The following MCM4 variants were observed in gnomAD, a reference collection of about 807,000 sequenced individuals.
MCM4 encodes DNA replication licensing factor MCM4.
A neutral mutation model predicts 88.7 loss-of-function variants in MCM4; 60 were observed. The observed-to-expected ratio is 0.68, with a 90% CI of 0.55 to 0.84. The LOEUF (loss-of-function observed/expected upper bound fraction) is 0.84. MCM4 is among the 40% of genes least tolerant of loss of function. The probability of loss-of-function intolerance (pLI) is 0.00; values close to 1 mark genes in which losing one functional copy is unlikely to be tolerated. For synonymous variants in MCM4, 465 were observed against 410.5 expected (o/e 1.13, Z -1.61); for missense variants, 1,149 against 1,105.5 (o/e 1.04, Z -0.56).
chr8:47,965,448 C>G (rs1320445491), intron 8 of MCM4, among the ~76,000 whole-genome samples: 1 of 152,064 alleles, frequency 6.6e-6, no homozygotes, highest in Non-Finnish European at 1.5e-5. Context: ...CCAGTCTGGG[C>G]AACAGGTTAA....
At chr8:47,967,526 C>T (rs1456358736) in intron 10 of MCM4, 41 bp downstream of exon 10, 3 of 1,612,236 alleles carry the variant, frequency 1.9e-6, no homozygotes. Flanking sequence ...GCATGTCTGG[C>T]TTGCTTTCAA....
chr8:47,974,906 A>G lies in MCM4; in HGVS notation c.2309A>G (p.Lys770Arg), dbSNP rs1024093798. Reference sequence around the variant, plus strand: ...AAACGCCTCCATCGGGAAGCTCTGAAGCAGTCTGCAACTGATCCCCGGACT... The same window carrying G: ...AAACGCCTCCATCGGGAAGCTCTGAGGCAGTCTGCAACTGATCCCCGGACT... ...EAKRLHREAL[K>R]QSATDPRTGI... The change falls in exon 15 of 17, where the codon AAG (lysine) becomes AGG (arginine). Residue 770 changes from lysine (K) to arginine (R), a missense_variant. This residue lies in a region of MCM4 where 238 missense variants were observed against 241.6 expected (regional missense o/e 0.99). Coordinates refer to ENST00000649973, the MANE Select transcript of MCM4 (RefSeq NM_182746.3). 3 of 1,614,140 alleles carry G rather than the reference A, an allele frequency of 1.9e-6. No homozygotes were observed. Among genetic ancestry groups the G allele is most frequent in the African/African-American group, 1.3e-5 (1 of 74,950 alleles).
At chr8:47,968,264 C>T (rs1669729384) in intron 10 of MCM4, among the ~76,000 whole-genome samples, 2 of 152,204 alleles carry the variant, frequency 1.3e-5, no homozygotes, top group South Asian at 2.1e-4. Context: ...CACCACGCAT[C>T]GGCTCTTGTC....
At chr8:47,976,272 A>G (rs968365789) in intron 16 of MCM4, among the ~76,000 whole-genome samples, 67 of 150,526 alleles carry the variant, frequency 4.5e-4, no homozygotes, top group African/African-American at 1.6e-3. Context: ...CAGCCTGGGC[A>G]CCAGAGCGGA....
At position 47,975,856 on chromosome 8, in the gene MCM4, T is replaced by A. The variant is rs746589989; in HGVS notation, c.2499+8T>A. On this transcript the variant is annotated splice_region_variant and intron_variant, in intron 16 of 16. Transcript: ENST00000649973. ...CGGGGACAATCTGACATAGTAAGTG[T>A]TTATATGTATTTTTTGTTTGATAGA... is the stretch of plus-strand genomic sequence containing the variant. 9.4e-6 allele frequency: 14 copies of A among 1,496,766 alleles called. 1 individual carries two copies. In the South Asian group the frequency reaches 2.0e-4, roughly 22 times the overall value. 92.7% of individuals were successfully genotyped at this position (1,496,766 alleles called of 1,614,324 possible). A position where few individuals can be genotyped will look rare whatever the true frequency, so the allele number is the denominator to read the frequency against.
rs2090947486 is a variant in MCM4 at position 47,970,858 on chromosome 8, G to C, written c.1782G>C (p.Gln594His). The C allele has an allele frequency of 1.3e-6, 2 of 1,598,238 alleles. No individual in the cohort carries two copies. Among genetic ancestry groups the C allele is most frequent in the Non-Finnish European group, 1.7e-6 (2 of 1,168,654 alleles). The change falls in exon 12 of 17, where the codon CAG (glutamine) becomes CAC (histidine). Residue 594 changes from glutamine (Q) to histidine (H), a missense_variant. Gln to His is a conservative substitution (Grantham distance 24). Transcript: ENST00000649973. ...TATTGCATGAAGTCATGGAACAGCA[G>C]ACTCTGTCCATTGCAAAGGTGAGTC... ...RSVLHEVMEQQTLSIAKAGII... is the reference protein window; with the variant it reads ...RSVLHEVMEQHTLSIAKAGII...
At position 47,961,198 on chromosome 8, in the gene MCM4, C is replaced by T. The variant is rs1337341532; in HGVS notation, c.54C>T (p.Ala18=). 3 of 1,527,698 alleles carry T rather than the reference C, an allele frequency of 2.0e-6. No individual in the cohort carries two copies. The highest frequency in any genetic ancestry group is 1.7e-6 in the Non-Finnish European group (2 of 1,146,298). 94.6% of individuals were successfully genotyped at this position (1,527,698 alleles called of 1,614,324 possible). Residue 18 remains alanine, a synonymous_variant, in exon 2 of 17, where the codon GCC becomes GCT. Coordinates refer to ENST00000649973, the MANE Select transcript of MCM4 (RefSeq NM_182746.3). ...PSRRGSRRGR[A]TPAQTPRSED... ...GCCGCGGCAGCCGGCGTGGAAGGGC[C>T]ACCCCCGCCCAGACGCGTGAGTCCC...
chr8:47,969,431 G>A (rs2090930314), intron 10 of MCM4: 1 of 193,516 alleles, frequency 5.2e-6, no homozygotes, highest in Non-Finnish European at 1.1e-5. Context: ...GCTAATTTTT[G>A]TATTTTTAGT....
Position 47,976,698 on chromosome 8 carries a change from G to C in MCM4, c.2512G>C (p.Asp838His). 1 of 1,612,634 alleles carries C rather than the reference G, an allele frequency of 6.2e-7. No individual in the cohort carries two copies. The highest frequency in any genetic ancestry group is 8.5e-7 in the Non-Finnish European group (1 of 1,178,870). The change falls in exon 17 of 17, where the codon GAT becomes CAT. Residue 838 changes from aspartate to histidine, a missense_variant. By Grantham distance (81) the Asp-to-His change is moderately conservative. Around this residue, in one of 3 missense-constraint regions of MCM4, gnomAD observed 238 missense variants for 241.6 expected, o/e 0.99. Transcript: ENST00000649973. The part of the protein sequence containing the change: ...RGQSDIAITK[D>H]MFEEALRALA... ...CTCTTCCCCACAGGCAATTACTAAAGATATGTTTGAAGAAGCACTGCGTGC... is the reference window on the plus strand; with the variant it reads ...CTCTTCCCCACAGGCAATTACTAAACATATGTTTGAAGAAGCACTGCGTGC...
rs543483410 is a variant in MCM4 at position 47,966,646 on chromosome 8, A to G, written c.1053+239A>G. Among the ~76,000 whole-genome samples the G allele has an allele frequency of 1.1e-4, 17 of 152,266 alleles. 1 individual carries two copies. The East Asian group carries it at 2.1e-3, about 19-fold the overall frequency. ...CACTGTCTGTTGTTAGAGACACTGT[A>G]TTTTCATGGCCTAAAATGCTTCAAA... On this transcript the variant is annotated intron_variant, in intron 9 of 16. Coordinates refer to ENST00000649973, the MANE Select transcript of MCM4 (RefSeq NM_182746.3).
chr8:47,967,637 C>G (rs1217305988), intron 10 of MCM4, 152 bp downstream of exon 10: 30 of 976,938 alleles, frequency 3.1e-5, no homozygotes, highest in Non-Finnish European at 4.3e-5. Context: ...CCTGCTTTAT[C>G]TGCCACCTTT....
rs760728486 is a variant in MCM4, at chr8:47,973,020, A to G, written c.2092A>G (p.Ile698Val). Residue 698 changes from isoleucine (I) to valine (V), a missense_variant, in exon 14 of 17, where the codon ATC (isoleucine) becomes GTC (valine). By Grantham distance (29) the Ile-to-Val change is conservative (BLOSUM62 3). Around this residue, in one of 3 missense-constraint regions of MCM4, gnomAD observed 238 missense variants for 241.6 expected, o/e 0.99. Transcript: ENST00000649973. ...KDYIAYAHSTIMPRLSEEASQ... is the reference protein window; with the variant it reads ...KDYIAYAHSTVMPRLSEEASQ... ...CTACATTGCCTACGCGCACAGCACC[A>G]TCATGCCGCGGCTAAGTGAGGAAGC... 24 of 1,614,066 alleles carry G rather than the reference A, an allele frequency of 1.5e-5. No homozygotes were observed. In the Admixed American group the frequency reaches 1.5e-4, roughly 10 times the overall value.
chr8:47,975,014 A>G (rs540407867), intron 15 of MCM4, 52 bp downstream of exon 15: 67 of 1,388,564 alleles, frequency 4.8e-5, no homozygotes, highest in Non-Finnish European at 6.3e-5. Context: ...TTCAATATGC[A>G]TGTAGTTTAT....
chr8:47,961,030 C>A lies in MCM4; in HGVS notation c.-15+16C>A. 1.7e-6 allele frequency: 2 copies of A among 1,147,144 alleles called. No individual in the cohort carries two copies. The highest frequency in any genetic ancestry group is 2.3e-6 in the Non-Finnish European group (2 of 860,228). The allele number at this position is 1,147,144 out of a possible 1,614,324, so 71.1% of individuals were successfully genotyped here. On this transcript the variant is annotated intron_variant, in intron 1 of 16. Transcript: ENST00000649973. ...CCTTTCCACGGTAACCGCGCGCCGG[C>A]GGGGAGGGCGTGGCGCGGAGCCGAC... is the stretch of plus-strand genomic sequence containing the variant.
chr8:47,965,953 G>T (rs1390816387), intron 8 of MCM4, among the ~76,000 whole-genome samples: 1 of 152,174 alleles, frequency 6.6e-6, no homozygotes, highest in Non-Finnish European at 1.5e-5. Flanking sequence ...CAGGGAGCAG[G>T]GTAGGCAGAC....
chr8:47,962,434 TTTGGGCTCTGAAAATG>T, intron 5 of MCM4, 28 bp downstream of exon 5: 2 of 1,607,724 alleles, frequency 1.2e-6, no homozygotes, highest in Non-Finnish European at 1.7e-6. Context: ...AAATTCTTAC[TTTGGGCTCTGAAAATG>T]TTGGGAGACC....
rs1290926453 is a variant in MCM4, at chr8:47,970,424, AAG to A, written c.1435-81_1435-80del. 5.5e-6 allele frequency: 8 copies of A among 1,465,476 alleles called. No homozygotes were observed. The East Asian group carries it at 6.9e-5, about 13-fold the overall frequency. The allele number at this position is 1,465,476 out of a possible 1,614,324, so 90.8% of individuals were successfully genotyped here. On this transcript the variant is annotated intron_variant, in intron 11 of 16. Coordinates refer to ENST00000649973, the MANE Select transcript of MCM4 (RefSeq NM_182746.3). ...TGATTTCTTAATTGTAGTTCTTTAT[AAG>A]AGAGAAAAGTACCTCTAAAGTTTAA...
chr8:47,971,025 A>C, intron 12 of MCM4, 149 bp downstream of exon 12: 619 of 986,360 alleles, frequency 6.3e-4, no homozygotes, highest in Non-Finnish European at 8.2e-4. Context: ...GCTAAATCTC[A>C]ACATGTCTTC....
chr8:47,973,335 C>A (rs2090972747), intron 14 of MCM4, among the ~76,000 whole-genome samples: 1 of 152,028 alleles, frequency 6.6e-6, no homozygotes, highest in Non-Finnish European at 1.5e-5. Flanking sequence ...CACAACCACT[C>A]CGGCTAATTT....
Sources: gnomAD v4.1 joint callset for allele counts (sites outside exome capture counted in the v4.1 genomes callset) on GRCh38, gnomAD v4.1.1 for gene constraint, gnomAD v4.1.1 regional missense constraint, MANE v1.5 for transcripts, NCBI Gene and HGNC (gene_info 2026-07-23, HGNC 2026-07-21) for gene names.